DLG2: variants seen among roughly 807,000 people sequenced by gnomAD.
DLG2 encodes discs large MAGUK scaffold protein 2.
A neutral mutation model predicts 132.5 loss-of-function variants in DLG2; 45 were observed. The ratio of observed to expected loss-of-function variants is 0.34; its 90% CI spans 0.27 to 0.44. DLG2 has a LOEUF of 0.44. Ranked by LOEUF, DLG2 falls within the 20% of genes least tolerant of loss-of-function variation. The pLI is 1.00. For synonymous variants in DLG2, 424 were observed against 419.6 expected (o/e 1.01, Z -0.13); for missense variants, 1,045 against 1,196.9 (o/e 0.87, Z 1.87).
intron 22 of DLG2, chr11:83,480,322 C>T: frequency 7.0e-7 from 1 of 1,425,712 alleles, no homozygotes; most frequent in Non-Finnish European, 9.6e-7. Context: ...CCACCACAGG[C>T]AATGGGGCAA....
intron 21 of DLG2, among the ~76,000 whole-genome samples, chr11:83,502,359 G>C (rs1204933599): frequency 2.6e-5 from 4 of 152,096 alleles, no homozygotes; most frequent in African/African-American, 9.7e-5. Context: ...AAGATTCCAA[G>C]TGTGCATTTT....
At chr11:85,262,242 T>C (rs980766932) in intron 4 of DLG2, among the ~76,000 whole-genome samples, 1 of 152,168 alleles carries the variant, frequency 6.6e-6, no homozygotes, top group Non-Finnish European at 1.5e-5. Context: ...GTCTGACTAA[T>C]GTAGGCCTCC....
chr11:84,652,984 T>C (rs1339138368), intron 6 of DLG2, among the ~76,000 whole-genome samples: 3 of 150,226 alleles, frequency 2.0e-5, no homozygotes, highest in Non-Finnish European at 4.4e-5. Context: ...CAGGCTAGAG[T>C]GCAGTGGCGT....
At chr11:84,996,963 A>G (rs1248765584) in intron 6 of DLG2, among the ~76,000 whole-genome samples, 1 of 152,188 alleles carries the variant, frequency 6.6e-6, no homozygotes, top group Non-Finnish European at 1.5e-5. Flanking sequence ...AGGAGCAAGA[A>G]GTTAAGAAAT....
chr11:84,871,488 T>C (rs895975370), intron 6 of DLG2, among the ~76,000 whole-genome samples: 1 of 152,174 alleles, frequency 6.6e-6, no homozygotes, highest in Non-Finnish European at 1.5e-5. Context: ...TGCTTGAACC[T>C]TGAGGAAAGC....
chr11:83,724,191 G>A (rs79414840), intron 18 of DLG2, among the ~76,000 whole-genome samples: 4 of 152,188 alleles, frequency 2.6e-5, no homozygotes, highest in African/African-American at 9.6e-5. Flanking sequence ...AACTGAACGC[G>A]TAAAATAAAA....
intron 7 of DLG2, among the ~76,000 whole-genome samples, chr11:84,348,856 G>A (rs978829838): frequency 6.6e-6 from 1 of 152,146 alleles, no homozygotes; most frequent in Non-Finnish European, 1.5e-5. Flanking sequence ...ACAAGCCAAG[G>A]AATGCCAAGG....
At chr11:84,037,122 AT>A (rs2095888001) in intron 11 of DLG2, among the ~76,000 whole-genome samples, 1 of 152,142 alleles carries the variant, frequency 6.6e-6, no homozygotes. Flanking sequence ...GTAACAGGTA[AT>A]ATACCTAAAA....
intron 6 of DLG2, among the ~76,000 whole-genome samples, chr11:84,570,557 T>C (rs769811520): frequency 6.6e-6 from 1 of 152,182 alleles, no homozygotes; most frequent in Non-Finnish European, 1.5e-5. Context: ...CCATCTGGTA[T>C]AGAGTCCATA....
chr11:83,635,295 T>C (rs754301533), intron 18 of DLG2, among the ~76,000 whole-genome samples: 6 of 152,198 alleles, frequency 3.9e-5, no homozygotes, highest in African/African-American at 7.2e-5. Flanking sequence ...TTTAAATCAT[T>C]TTGAGCAAGT....
chr11:85,127,788 C>G (rs532390053), intron 5 of DLG2, among the ~76,000 whole-genome samples: 5 of 152,108 alleles, frequency 3.3e-5, no homozygotes, highest in Non-Finnish European at 5.9e-5. Flanking sequence ...AAATAAAAAT[C>G]ATTTTAGCTT....
intron 10 of DLG2, among the ~76,000 whole-genome samples, chr11:84,092,022 TAA>T (rs2097101259): frequency 6.6e-6 from 1 of 152,232 alleles, no homozygotes; most frequent in East Asian, 1.9e-4. Flanking sequence ...TCTCTGTTTT[TAA>T]AAGTCTCATT....
At chr11:83,944,958 T>C (rs1036104264) in intron 14 of DLG2, among the ~76,000 whole-genome samples, 1 of 152,176 alleles carries the variant, frequency 6.6e-6, no homozygotes, top group African/African-American at 2.4e-5. Context: ...AAATCTGGAA[T>C]TGGGTTTTTT....
At chr11:83,935,348 G>A (rs1198342825) in intron 14 of DLG2, among the ~76,000 whole-genome samples, 2 of 152,164 alleles carry the variant, frequency 1.3e-5, no homozygotes, top group African/African-American at 2.4e-5. Flanking sequence ...GCTCTTAAGG[G>A]TGGGATTTTG....
intron 3 of DLG2, among the ~76,000 whole-genome samples, chr11:85,287,154 A>C (rs2078609009): frequency 6.6e-6 from 1 of 152,108 alleles, no homozygotes; most frequent in Non-Finnish European, 1.5e-5. Context: ...AAACCTATTA[A>C]ATTATGCATT....
chr11:85,598,316 C>T (rs1321724687), intron 3 of DLG2, among the ~76,000 whole-genome samples: 1 of 152,078 alleles, frequency 6.6e-6, no homozygotes, highest in Non-Finnish European at 1.5e-5. Flanking sequence ...AGGAAGACAA[C>T]TTCCTTCTTT....
chr11:84,593,739 A>C (rs541996806), intron 6 of DLG2, among the ~76,000 whole-genome samples: 12 of 152,278 alleles, frequency 7.9e-5, no homozygotes, highest in South Asian at 4.1e-4. Flanking sequence ...TGGCACGAGT[A>C]TATCTATGTA....
chr11:85,435,278 A>G (rs1398199738), intron 3 of DLG2, among the ~76,000 whole-genome samples: 9 of 152,176 alleles, frequency 5.9e-5, no homozygotes, highest in Admixed American at 5.9e-4. Context: ...GCCCTTTCTC[A>G]CCACTCCTAT....
intron 12 of DLG2, 118 bp from the exon 13 acceptor site, chr11:83,965,586 A>T: frequency 2.6e-6 from 2 of 776,242 alleles, no homozygotes; most frequent in Non-Finnish European, 4.1e-6. Context: ...TATCCTTGAC[A>T]TAACAGATGA....
Sources: gnomAD v4.1 joint callset for allele counts (sites outside exome capture counted in the v4.1 genomes callset) on GRCh38, gnomAD v4.1.1 for gene constraint, MANE v1.5 for transcripts, NCBI Gene and HGNC (gene_info 2026-07-23, HGNC 2026-07-21) for gene names.